GRK1: variants seen among roughly 807,000 people sequenced by gnomAD.
GRK1 encodes the protein G protein-coupled receptor kinase 1.
In GRK1, 28 loss-of-function variants were observed where a neutral mutation model predicts 41.7. That is an observed-to-expected ratio of 0.67 (90% CI 0.50 to 0.92). The LOEUF (loss-of-function observed/expected upper bound fraction) is 0.92. Ranked by LOEUF, GRK1 falls within the 40% of genes least tolerant of loss-of-function variation. The probability of loss-of-function intolerance (pLI) is 0.00; values close to 1 mark genes in which losing one functional copy is unlikely to be tolerated. For missense variants in GRK1, 703 were observed against 671.2 expected, an observed-to-expected ratio of 1.05 and a Z score of -0.52; for synonymous variants, 327 against 286.7, an observed-to-expected ratio of 1.14 and a Z score of -1.42.
chr13:113,668,520 G>A (rs949902017), intron 1 of GRK1, among the ~76,000 whole-genome samples: 1 of 152,230 alleles, frequency 6.6e-6, no homozygotes, highest in African/African-American at 2.4e-5. Flanking sequence ...AGGCAGCCTC[G>A]CTCTGATGAC....
rs374774929 is a variant in GRK1, at chr13:113,669,834, G to A, written c.827+20G>A. On this transcript the variant is annotated intron_variant, in intron 2 of 6. Transcript: ENST00000335678. ...CATCAGGTAAGGGCTGGGCCAGAGG[G>A]CACGAGGGGGCCCCGCTGTCCCACT... is the stretch of plus-strand genomic sequence containing the variant. 1 of 1,612,828 alleles carries A rather than the reference G, an allele frequency of 6.2e-7. No individual in the cohort carries two copies. The highest frequency in any genetic ancestry group is 8.5e-7 in the Non-Finnish European group (1 of 1,179,284).
the GRK1 span, among the ~76,000 whole-genome samples, chr13:113,653,810 C>T: frequency 0.2 from 31,109 of 152,234 alleles, 3,321 homozygotes; most frequent in East Asian, 0.24. Context: ...TGGTTAAGAA[C>T]AAAAGCAGTC....
chr13:113,655,024 T>C, the GRK1 span: 10 of 1,560,492 alleles, frequency 6.4e-6, no homozygotes, highest in Non-Finnish European at 8.7e-6. Context: ...GCGTCCGTGA[T>C]GTGGCGTGAC....
Position 113,671,706 on chromosome 13 carries a change from G to A in GRK1, c.985+50G>A. The A allele has an allele frequency of 2.8e-6, 2 of 705,520 alleles. No individual in the cohort carries two copies. The highest frequency in any genetic ancestry group is 5.2e-6 in the Non-Finnish European group (2 of 387,400). 43.7% of individuals were successfully genotyped at this position (705,520 alleles called of 1,614,324 possible). On this transcript the variant is annotated intron_variant, in intron 3 of 6. Transcript: ENST00000335678. This position sits in a 1 kb window ranked among gnomAD's most constrained non-coding sequence, Gnocchi z 4.1. ...GGATGAGGGCTACGAGGAGGGCGGG[G>A]CGCAGCTTCCTTGGGGGTCTCTGCA...
chr13:113,651,587 G>A, the GRK1 span: 4 of 1,394,402 alleles, frequency 2.9e-6, no homozygotes, highest in Non-Finnish European at 3.8e-6. Context: ...AGAGAACCAG[G>A]TGGGCCGTGC....
Position 113,667,782 on chromosome 13 carries a change from G to C in GRK1, c.396G>C (p.Ala132=). 6.2e-7 allele frequency: 1 copy of C among 1,612,042 alleles called. No individual in the cohort carries two copies. Among genetic ancestry groups the C allele is most frequent in the Non-Finnish European group, 8.5e-7 (1 of 1,178,602 alleles). The change falls in exon 1 of 7, where the codon GCG becomes GCC. Residue 132 remains alanine (A), a synonymous_variant. Coordinates refer to ENST00000335678, the MANE Select transcript of GRK1 (RefSeq NM_002929.3). This position sits in a 1 kb window ranked among gnomAD's most constrained non-coding sequence, Gnocchi z 7.5. ...FCSFLDEGIV[A]KFKEGPVEIQ... ...GCTTCCTGGATGAGGGGATAGTGGCGAAGTTTAAGGAGGGGCCTGTGGAGA... is the reference window on the plus strand; with the variant it reads ...GCTTCCTGGATGAGGGGATAGTGGCCAAGTTTAAGGAGGGGCCTGTGGAGA...
At chr13:113,652,898 G>A in the GRK1 span, 5 of 1,614,068 alleles carry the variant, frequency 3.1e-6, no homozygotes, top group Non-Finnish European at 3.4e-6. Context: ...AATAAAACAT[G>A]GCTTTCCTTC....
chr13:113,668,126 G>T, intron 1 of GRK1, 41 bp downstream of exon 1: 1 of 1,563,200 alleles, frequency 6.4e-7, no homozygotes, highest in South Asian at 1.2e-5. Context: ...GGGTGGCAGG[G>T]TGCAGGGATG....
chr13:113,658,281 G>C, the GRK1 span: 2 of 759,650 alleles, frequency 2.6e-6, no homozygotes, highest in Non-Finnish European at 3.9e-6. Flanking sequence ...CCAGGGAGAG[G>C]CCAGGGCCGT....
intron 6 of GRK1, among the ~76,000 whole-genome samples, chr13:113,733,513 G>GTA (rs2049953855): frequency 7.6e-6 from 1 of 132,248 alleles, no homozygotes; most frequent in South Asian, 2.2e-4. Context: ...GTGTGCACGT[G>GTA]TGTGTGCATG....
At chr13:113,727,233 G>A (rs1461075728) in intron 4 of GRK1, among the ~76,000 whole-genome samples, 2 of 152,258 alleles carry the variant, frequency 1.3e-5, no homozygotes, top group Non-Finnish European at 2.9e-5. Flanking sequence ...GACCCTGCTT[G>A]GTCAGCATGC....
In GRK1 at chr13:113,733,908, TACA is replaced by T. The variant is rs1392632014; in HGVS notation, c.1396+824_1396+826del. ...GTGTGTGCGTGTGTGTATGTGTGCA[TACA>T]GTGTGCGTGTGTGCATGTGTGCATA... is the stretch of plus-strand genomic sequence containing the variant. On this transcript the variant is annotated intron_variant, in intron 6 of 6. Transcript: ENST00000335678. 2.7e-3 allele frequency among the ~76,000 whole-genome samples: 299 copies of T among 109,388 alleles called. 1 individual carries two copies. Among genetic ancestry groups the T allele is most frequent in the Non-Finnish European group, 4.4e-3 (244 of 55,536 alleles). 71.8% of individuals were successfully genotyped at this position (109,388 alleles called of 152,430 possible).
upstream of GRK1, among the ~76,000 whole-genome samples, chr13:113,666,288 T>C (rs118172190): frequency 1.7e-3 from 253 of 150,240 alleles, 4 homozygotes; most frequent in East Asian, 0.041. Flanking sequence ...GCCCCAGGTG[T>C]GTTCCAGGTG....
At chr13:113,668,739 GT>G (rs1214418418) in intron 1 of GRK1, among the ~76,000 whole-genome samples, 2 of 152,264 alleles carry the variant, frequency 1.3e-5, no homozygotes, top group East Asian at 3.8e-4. Flanking sequence ...GCTGTGCCGG[GT>G]GTGGACGTGA....
In GRK1 at chr13:113,735,200, CCA is replaced by C; in HGVS notation, c.1531_1532del (p.Thr511TrpfsTer112). Reference sequence around the variant, plus strand: ...GACACAGAATTCTTTCAGGAATTTGCCACTGGCAACTGCCCCATCCCCTGGCA... The same window carrying C: ...GACACAGAATTCTTTCAGGAATTTGCCTGGCAACTGCCCCATCCCCTGGCA... On this transcript the variant is annotated frameshift_variant, in exon 7 of 7. Transcript: ENST00000335678. LOFTEE classifies it low-confidence loss of function (END_TRUNC). The C allele has an allele frequency of 6.5e-7, 1 of 1,537,196 alleles. No individual in the cohort carries two copies. Among genetic ancestry groups the C allele is most frequent in the Non-Finnish European group, 8.7e-7 (1 of 1,146,902 alleles).
intron 6 of GRK1, among the ~76,000 whole-genome samples, chr13:113,734,013 CATGTGT>C (rs2049981449): frequency 9.7e-6 from 1 of 103,370 alleles, no homozygotes; most frequent in African/African-American, 5.1e-5. Context: ...CGTGTGCGTG[CATGTGT>C]GTGCGTGCGT....
At chr13:113,660,737 C>T in the GRK1 span, among the ~76,000 whole-genome samples, 1 of 152,202 alleles carries the variant, frequency 6.6e-6, no homozygotes, top group African/African-American at 2.4e-5. Context: ...TATATGCCAA[C>T]ACCAAGGTGA....
intron 4 of GRK1, among the ~76,000 whole-genome samples, chr13:113,727,632 C>T (rs1432302532): frequency 2.1e-5 from 3 of 140,346 alleles, no homozygotes; most frequent in Non-Finnish European, 3.1e-5. Flanking sequence ...GGACCCATGG[C>T]GATGAGGAGT....
intron 6 of GRK1, among the ~76,000 whole-genome samples, chr13:113,733,967 TGC>T (rs1491423086): frequency 0.052 from 7,200 of 138,518 alleles, 287 homozygotes; most frequent in Non-Finnish European, 0.076. Flanking sequence ...TACGTGTGTG[TGC>T]GTGTGTGCGC....
Sources: allele counts gnomAD v4.1 joint callset (sites outside exome capture counted in the v4.1 genomes callset), GRCh38; gene constraint gnomAD v4.1.1; non-coding constraint Gnocchi (gnomAD v3.1); transcripts MANE v1.5; gene names NCBI Gene and HGNC (gene_info 2026-07-23, HGNC 2026-07-21).